The following UBE2E2 variants were observed in gnomAD, a reference collection of about 807,000 sequenced individuals.
UBE2E2 encodes ubiquitin conjugating enzyme E2 E2.
Under a neutral mutation model 24.7 loss-of-function variants are expected in UBE2E2, and 6 were observed. The observed-to-expected ratio is 0.24, with a 90% CI of 0.13 to 0.48. The LOEUF (loss-of-function observed/expected upper bound fraction) is 0.48. Ranked by LOEUF, UBE2E2 falls within the 20% of genes least tolerant of loss-of-function variation. The pLI is 0.99. For synonymous variants in UBE2E2, 104 were observed against 83.6 expected (o/e 1.24, Z -1.33); for missense variants, 169 against 245.0 (o/e 0.69, Z 2.07).
At chr3:23,519,875 A>T (rs1460984131) in intron 4 of UBE2E2, among the ~76,000 whole-genome samples, 1 of 150,936 alleles carries the variant, frequency 6.6e-6, no homozygotes, top group African/African-American at 2.4e-5. Context: ...GTAGAGACGG[A>T]GTTTTACCAT....
In UBE2E2 at chr3:23,588,136, C is replaced by T. The variant is rs953179544; in HGVS notation, c.509-1598C>T. ...TAGTCTCAGGATCTTCCCAAGTTGC[C>T]GGTGGTGTTGGGCCACAGACGTAGT... is the stretch of plus-strand genomic sequence containing the variant. On this transcript the variant is annotated intron_variant, in intron 5 of 5. Coordinates refer to ENST00000396703, the MANE Select transcript of UBE2E2 (RefSeq NM_152653.4). Among the ~76,000 whole-genome samples, 14 of 152,114 alleles carry T rather than the reference C, an allele frequency of 9.2e-5. 1 individual carries two copies. Among genetic ancestry groups the T allele is most frequent in the Admixed American group, 2.6e-4 (4 of 15,274 alleles).
chr3:23,537,462 A>C (rs1012819106), intron 5 of UBE2E2, among the ~76,000 whole-genome samples: 2 of 152,224 alleles, frequency 1.3e-5, no homozygotes, highest in African/African-American at 4.8e-5. Context: ...AAATAGAGCT[A>C]AGAATGGCCA....
At chr3:23,315,711 G>A (rs1043733648) in intron 3 of UBE2E2, among the ~76,000 whole-genome samples, 4 of 152,152 alleles carry the variant, frequency 2.6e-5, no homozygotes, top group Admixed American at 6.5e-5. Context: ...AGTATTTATT[G>A]TAGTCTTTGC....
chr3:23,569,681 G>A (rs771525522), intron 5 of UBE2E2, among the ~76,000 whole-genome samples: 3 of 152,062 alleles, frequency 2.0e-5, no homozygotes, highest in Non-Finnish European at 4.4e-5. Context: ...ACTTAATTAA[G>A]CCTGGAATTG....
At chr3:23,545,828 A>T (rs942614457) in intron 5 of UBE2E2, among the ~76,000 whole-genome samples, 1 of 152,230 alleles carries the variant, frequency 6.6e-6, no homozygotes, top group Non-Finnish European at 1.5e-5. Flanking sequence ...AATACTACTC[A>T]GCCATAAAAA....
intron 5 of UBE2E2, among the ~76,000 whole-genome samples, chr3:23,580,615 C>T (rs1696454545): frequency 6.6e-6 from 1 of 152,152 alleles, no homozygotes; most frequent in South Asian, 2.1e-4. Flanking sequence ...TGTAACATTT[C>T]CAAGGTATGC....
chr3:23,400,215 A>T (rs1418074923), intron 3 of UBE2E2, among the ~76,000 whole-genome samples: 1 of 152,226 alleles, frequency 6.6e-6, no homozygotes. Flanking sequence ...TTGGAAAATC[A>T]TGTTCCTGTT....
chr3:23,587,855 G>A (rs1696662782), intron 5 of UBE2E2, among the ~76,000 whole-genome samples: 1 of 152,170 alleles, frequency 6.6e-6, no homozygotes, highest in African/African-American at 2.4e-5. Context: ...CAAAGAGTAG[G>A]CAGAGAGGCA....
At chr3:23,357,831 G>A (rs190164779) in intron 3 of UBE2E2, among the ~76,000 whole-genome samples, 1 of 139,474 alleles carries the variant, frequency 7.2e-6, no homozygotes, top group East Asian at 2.0e-4. Context: ...CTTCGAAGAC[G>A]GAAGGAAATC....
Position 23,587,580 on chromosome 3 carries a change from A to G in UBE2E2, c.509-2154A>G, listed in dbSNP as rs145811242. ...GCCCACGTTTCACCCTACTCTTTGC[A>G]TTCTAGAATGCCAGGAATCAGAACA... On this transcript the variant is annotated intron_variant, in intron 5 of 5. Transcript: ENST00000396703. 1.8e-3 allele frequency among the ~76,000 whole-genome samples: 271 copies of G among 152,328 alleles called. 1 individual carries two copies. The highest frequency in any genetic ancestry group is 6.3e-3 in the African/African-American group (261 of 41,572).
chr3:23,457,880 G>T (rs111507017), intron 3 of UBE2E2, among the ~76,000 whole-genome samples: 1 of 152,190 alleles, frequency 6.6e-6, no homozygotes, highest in African/African-American at 2.4e-5. Context: ...ACAGCCTTGC[G>T]CTGGATTAGG....
chr3:23,389,059 A>G (rs1252850254), intron 3 of UBE2E2, among the ~76,000 whole-genome samples: 2 of 152,192 alleles, frequency 1.3e-5, no homozygotes, highest in African/African-American at 4.8e-5. Flanking sequence ...CAAAAGAAGC[A>G]ATACACAAGA....
At chr3:23,421,244 A>G (rs915243596) in intron 3 of UBE2E2, among the ~76,000 whole-genome samples, 8 of 152,210 alleles carry the variant, frequency 5.3e-5, no homozygotes, top group African/African-American at 1.7e-4. Context: ...TAAACTCTAC[A>G]TAATTAGGTG....
At chr3:23,252,693 C>T (rs1211690738) in intron 3 of UBE2E2, among the ~76,000 whole-genome samples, 1 of 152,098 alleles carries the variant, frequency 6.6e-6, no homozygotes, top group Non-Finnish European at 1.5e-5. Flanking sequence ...GACGAGGTTT[C>T]ACCATGTTGC....
At position 23,547,956 on chromosome 3, in the gene UBE2E2, T is replaced by G. The variant is rs74392002; in HGVS notation, c.508+15255T>G. ...TTCCCATACTTTGAAGTAGCTGATGTCCTCAGGGACCTGGTGTGAATACCG... is the reference window on the plus strand; with the variant it reads ...TTCCCATACTTTGAAGTAGCTGATGGCCTCAGGGACCTGGTGTGAATACCG... On this transcript the variant is annotated intron_variant, in intron 5 of 5. Coordinates refer to ENST00000396703, the MANE Select transcript of UBE2E2 (RefSeq NM_152653.4). Among the ~76,000 whole-genome samples the G allele has an allele frequency of 3.7e-3, 561 of 152,298 alleles. 2 individuals are homozygous for G. The highest frequency in any genetic ancestry group is 0.013 in the African/African-American group (537 of 41,560).
At chr3:23,405,708 A>G (rs996625827) in intron 3 of UBE2E2, among the ~76,000 whole-genome samples, 2 of 152,150 alleles carry the variant, frequency 1.3e-5, no homozygotes, top group Non-Finnish European at 2.9e-5. Flanking sequence ...TTCTAGTGAG[A>G]TGGCAAGTTC....
chr3:23,441,598 C>T (rs1365167355), intron 3 of UBE2E2, among the ~76,000 whole-genome samples: 1 of 150,874 alleles, frequency 6.6e-6, no homozygotes, highest in South Asian at 2.1e-4. Context: ...ATGCCACCAT[C>T]TCTGAAGCAC....
chr3:23,477,045 A>C (rs1379416678), intron 3 of UBE2E2, among the ~76,000 whole-genome samples: 1 of 152,186 alleles, frequency 6.6e-6, no homozygotes, highest in Non-Finnish European at 1.5e-5. Context: ...ATCATTTTAA[A>C]ATTTTACATT....
intron 3 of UBE2E2, among the ~76,000 whole-genome samples, chr3:23,479,675 C>G (rs1013400894): frequency 3.3e-5 from 5 of 152,154 alleles, no homozygotes; most frequent in African/African-American, 1.2e-4. Flanking sequence ...TGGAAAGGAG[C>G]TTCACTGAGT....
Sources: allele counts gnomAD v4.1 joint callset (sites outside exome capture counted in the v4.1 genomes callset), GRCh38; gene constraint gnomAD v4.1.1; transcripts MANE v1.5; gene names NCBI Gene and HGNC (gene_info 2026-07-23, HGNC 2026-07-21).